The following ENOX1 variants were observed in gnomAD, a reference collection of about 807,000 sequenced individuals.
The protein encoded by ENOX1 is ecto-NOX disulfide-thiol exchanger 1.
Under a neutral mutation model 82.5 loss-of-function variants are expected in ENOX1, and 42 were observed. That is an observed-to-expected ratio of 0.51 (90% CI 0.40 to 0.66). The LOEUF is 0.66. ENOX1 is among the 30% of genes least tolerant of loss of function. The pLI, the probability that ENOX1 is intolerant of heterozygous loss-of-function variation, is 0.00. For synonymous variants in ENOX1, 271 were observed against 282.2 expected (o/e 0.96, Z 0.40); for missense variants, 608 against 811.6 (o/e 0.75, Z 3.05).
At chr13:43,391,739 A>G (rs951591754) in intron 5 of ENOX1, among the ~76,000 whole-genome samples, 11 of 151,934 alleles carry the variant, frequency 7.2e-5, no homozygotes, top group African/African-American at 2.4e-4. Flanking sequence ...TCAAAGCCCT[A>G]CTCACCTGGG....
chr13:43,370,349 A>G (rs993127669), intron 5 of ENOX1, among the ~76,000 whole-genome samples: 10 of 152,120 alleles, frequency 6.6e-5, no homozygotes, highest in Middle Eastern at 3.4e-3. Flanking sequence ...CCTGGGCAAC[A>G]CAGCGAGACT....
At chr13:43,319,588 G>A (rs1415277535) in intron 11 of ENOX1, among the ~76,000 whole-genome samples, 2 of 152,038 alleles carry the variant, frequency 1.3e-5, no homozygotes, top group Non-Finnish European at 2.9e-5. Context: ...CCCATTACAG[G>A]GTACTTTTTG....
At chr13:43,272,936 C>A (rs2044774707) in intron 12 of ENOX1, among the ~76,000 whole-genome samples, 1 of 152,194 alleles carries the variant, frequency 6.6e-6, no homozygotes, top group African/African-American at 2.4e-5. Context: ...GTCACCAGTG[C>A]CTTGCTAATT....
chr13:43,521,809 G>A lies in ENOX1; in HGVS notation c.-218-37657C>T, dbSNP rs566846026. Among the ~76,000 whole-genome samples the A allele has an allele frequency of 2.0e-5, 3 of 152,242 alleles. No individual in the cohort carries two copies. The South Asian group carries it at 6.2e-4, about 32-fold the overall frequency. Reference sequence around the variant, plus strand: ...AATGGTGTCTCCAAGGCTTCATTCAGTGCTCAGTGGACGGTGTAGGCTCAG... The same window carrying A: ...AATGGTGTCTCCAAGGCTTCATTCAATGCTCAGTGGACGGTGTAGGCTCAG... On this transcript the variant is annotated intron_variant, in intron 2 of 16. Transcript: ENST00000690772.
rs188515164 is a variant in ENOX1, at chr13:43,326,509, G to A, written c.1053C>T (p.Ala351=). 9.3e-6 allele frequency: 15 copies of A among 1,614,068 alleles called. No individual in the cohort carries two copies. The highest frequency in any genetic ancestry group is 1.3e-5 in the African/African-American group (1 of 75,024). ...TTTGTCTGGTAGAAGCGTTGAAAAC[G>A]GCCACAATCTGCTCAACTTTGGTGA... ...GILTQFEQIV[A]VFNASTRQKA... The change falls in exon 10 of 17, where the codon GCC becomes GCT. Residue 351 remains alanine (A), a synonymous_variant. Coordinates refer to ENST00000690772, the MANE Select transcript of ENOX1 (RefSeq NM_001347969.2).
intron 2 of ENOX1, among the ~76,000 whole-genome samples, chr13:43,572,342 C>A (rs1262491399): frequency 6.6e-6 from 1 of 152,210 alleles, no homozygotes; most frequent in Non-Finnish European, 1.5e-5. Context: ...AAACAGAGAC[C>A]CTTAACTAAG....
chr13:43,760,668 T>C (rs1431140807), intron 1 of ENOX1, among the ~76,000 whole-genome samples: 1 of 152,130 alleles, frequency 6.6e-6, no homozygotes, highest in African/African-American at 2.4e-5. Flanking sequence ...TTGCATTTTA[T>C]AAGCTGGAAC....
At chr13:43,769,800 G>A (rs1219757493) in intron 1 of ENOX1, among the ~76,000 whole-genome samples, 1 of 152,214 alleles carries the variant, frequency 6.6e-6, no homozygotes, top group African/African-American at 2.4e-5. Flanking sequence ...GTCATGCTCA[G>A]AGAAATTGTG....
intron 1 of ENOX1, among the ~76,000 whole-genome samples, chr13:43,772,610 G>C (rs1052301997): frequency 6.6e-6 from 1 of 152,066 alleles, no homozygotes; most frequent in Admixed American, 6.5e-5. Context: ...TTAGCTTGGC[G>C]TGGTGGTACA....
At chr13:43,456,266 T>G (rs1355653719) in intron 3 of ENOX1, among the ~76,000 whole-genome samples, 2 of 152,090 alleles carry the variant, frequency 1.3e-5, no homozygotes, top group African/African-American at 4.8e-5. Context: ...TTTTATTCTA[T>G]ATTTTATGTC....
chr13:43,470,365 C>CATATATATGTATATATAT (rs1566307651), intron 3 of ENOX1, among the ~76,000 whole-genome samples: 14 of 27,374 alleles, frequency 5.1e-4, no homozygotes, highest in South Asian at 1.9e-3. Flanking sequence ...TATATATATA[C>CATATATATGTATATATAT]GTATATATAT....
At chr13:43,537,179 G>A (rs959914800) in intron 2 of ENOX1, among the ~76,000 whole-genome samples, 29 of 152,324 alleles carry the variant, frequency 1.9e-4, no homozygotes, top group African/African-American at 6.7e-4. Flanking sequence ...AAGGCATGAC[G>A]TTGGCACTCA....
Position 43,614,989 on chromosome 13 carries a change from G to C in ENOX1, c.-219+52490C>G, listed in dbSNP as rs189005536. On this transcript the variant is annotated intron_variant, in intron 2 of 16. Coordinates refer to ENST00000690772, the MANE Select transcript of ENOX1 (RefSeq NM_001347969.2). The stretch of plus-strand genomic sequence containing the variant: ...GTACATTAAAGTTTGAGGAGCCTTG[G>C]TATAAAATTTGAATATATTTTGAGA... Among the ~76,000 whole-genome samples the C allele has an allele frequency of 6.0e-3, 908 of 152,246 alleles. 5 individuals are homozygous for C. The highest frequency in any genetic ancestry group is 0.037 in the Middle Eastern group (11 of 294).
At chr13:43,412,785 T>A in intron 4 of ENOX1, 60 bp downstream of exon 4, 2 of 1,601,758 alleles carry the variant, frequency 1.2e-6, no homozygotes, top group South Asian at 2.2e-5. Flanking sequence ...TGGGGCAAGC[T>A]TTTCCACTAA....
At chr13:43,344,394 G>A (rs1241222074) in intron 9 of ENOX1, 144 bp downstream of exon 9, 2 of 705,056 alleles carry the variant, frequency 2.8e-6, no homozygotes, top group African/African-American at 3.6e-5. Flanking sequence ...CACAGAACAT[G>A]AAATAGGTTA....
At chr13:43,731,840 C>T (rs2089367024) in intron 1 of ENOX1, among the ~76,000 whole-genome samples, 1 of 152,148 alleles carries the variant, frequency 6.6e-6, no homozygotes, top group Admixed American at 6.6e-5. Flanking sequence ...ATTTATAATA[C>T]ATAATGATAA....
intron 15 of ENOX1, among the ~76,000 whole-genome samples, chr13:43,230,030 G>A (rs1566287708): frequency 6.6e-6 from 1 of 152,182 alleles, no homozygotes; most frequent in Non-Finnish European, 1.5e-5. Flanking sequence ...AGTATTCATT[G>A]AGATTACCTA....
chr13:43,243,903 C>T (rs115403313), intron 14 of ENOX1, among the ~76,000 whole-genome samples: 1,686 of 152,142 alleles, frequency 0.011, 25 homozygotes, highest in African/African-American at 0.036. Context: ...ATTTTACACA[C>T]AGCACAAGTC....
At chr13:43,320,804 C>T (rs765599293) in intron 11 of ENOX1, among the ~76,000 whole-genome samples, 7 of 152,106 alleles carry the variant, frequency 4.6e-5, no homozygotes, top group Non-Finnish European at 8.8e-5. Context: ...AGGATGAAAG[C>T]GCTTTTGACA....
Sources: gnomAD v4.1 joint callset for allele counts (sites outside exome capture counted in the v4.1 genomes callset) on GRCh38, gnomAD v4.1.1 for gene constraint, MANE v1.5 for transcripts, NCBI Gene and HGNC (gene_info 2026-07-23, HGNC 2026-07-21) for gene names.